Variants in GASK1B observed in about 807,000 individuals in gnomAD.
GASK1B encodes the protein golgi associated kinase 1B, also known as Golgi-associated kinase 1B.
GASK1B carries 34 observed loss-of-function variants against 42.8 expected under a neutral mutation model. The observed-to-expected ratio is 0.79, with a 90% CI of 0.60 to 1.06. The LOEUF is 1.06. Among genes scored for constraint, GASK1B ranks in the 50% least tolerant of loss-of-function variants. GASK1B has a pLI of 0.00. For synonymous variants in GASK1B, 262 were observed against 259.1 expected (o/e 1.01, Z -0.11); for missense variants, 686 against 661.0 (o/e 1.04, Z -0.42).
chr4:158,131,062 G>A, intron 3 of GASK1B, 50 bp from the exon 4 acceptor site: 1 of 1,496,086 alleles, frequency 6.7e-7, no homozygotes, highest in South Asian at 1.2e-5. Flanking sequence ...AACAAAACTT[G>A]GGAAAGTTAC....
At chr4:158,134,680 T>C (rs1055246636) in intron 3 of GASK1B, among the ~76,000 whole-genome samples, 21 of 152,262 alleles carry the variant, frequency 1.4e-4, no homozygotes, top group African/African-American at 5.1e-4. Context: ...AATTTTTTGG[T>C]GGTGGTGGTG....
intron 3 of GASK1B, among the ~76,000 whole-genome samples, chr4:158,132,477 A>G (rs1730720382): frequency 6.6e-6 from 1 of 152,182 alleles, no homozygotes; most frequent in Admixed American, 6.5e-5. Flanking sequence ...AATGTTACCC[A>G]TGGTCAGCAC....
chr4:158,154,627 G>A (rs954741916), intron 3 of GASK1B, among the ~76,000 whole-genome samples: 1 of 152,060 alleles, frequency 6.6e-6, no homozygotes, highest in Admixed American at 6.6e-5. Context: ...CATCAATCAA[G>A]TAGATAAAGA....
At chr4:158,146,460 G>T (rs1731334100) in intron 3 of GASK1B, among the ~76,000 whole-genome samples, 1 of 152,040 alleles carries the variant, frequency 6.6e-6, no homozygotes, top group South Asian at 2.1e-4. Context: ...TAATTCATAA[G>T]TAATACTTAT....
rs1401376001 is a variant in GASK1B, at chr4:158,126,800, T to G, written c.*607A>C. 1 of 152,200 alleles carries G rather than the reference T, an allele frequency of 6.6e-6. No individual in the cohort carries two copies. The highest frequency in any genetic ancestry group is 1.5e-5 in the Non-Finnish European group (1 of 68,020). 9.4% of individuals were successfully genotyped at this position (152,200 alleles called of 1,614,324 possible). On this transcript the variant is annotated 3_prime_UTR_variant, in exon 5 of 5. Transcript: ENST00000585682. ...GGAATGGAAAATATGATTCTTGTAC[T>G]TAAATGACTGATTTTTTATAGACAC...
chr4:158,141,127 C>T (rs1204720412), intron 3 of GASK1B, among the ~76,000 whole-genome samples: 3 of 152,056 alleles, frequency 2.0e-5, no homozygotes, highest in African/African-American at 7.2e-5. Context: ...AAAACAACGC[C>T]AGCAATCTCT....
chr4:158,159,345 A>G (rs1405662244), intron 2 of GASK1B, among the ~76,000 whole-genome samples: 1 of 152,132 alleles, frequency 6.6e-6, no homozygotes, highest in African/African-American at 2.4e-5. Flanking sequence ...CTTGCAGGTA[A>G]TAATAGCAGT....
Position 158,171,151 on chromosome 4 carries a change from G to T in GASK1B, c.225C>A (p.Asp75Glu). Residue 75 changes from aspartate to glutamate, a missense_variant, in exon 2 of 5, where the codon GAC becomes GAA. Coordinates refer to ENST00000585682, the MANE Select transcript of GASK1B (RefSeq NM_001128424.2). ...AAEKGPHRSRDTAEPSFPEIP... is the reference protein window; with the variant it reads ...AAEKGPHRSRETAEPSFPEIP... ...TCTCAGGGAAGGATGGCTCGGCGGT[G>T]TCGCGGCTGCGATGTGGCCCCTTCT... The T allele has an allele frequency of 6.2e-7, 1 of 1,608,372 alleles. No homozygotes were observed. The highest frequency in any genetic ancestry group is 1.1e-5 in the South Asian group (1 of 90,730).
chr4:158,159,438 T>C, intron 2 of GASK1B: 1 of 395,394 alleles, frequency 2.5e-6, no homozygotes, highest in Non-Finnish European at 4.9e-6. Flanking sequence ...TTTGAAAGAA[T>C]TAAATGAACC....
At chr4:158,149,923 C>CTTTTTTTTGTTTTTTTTTTTTT (rs1731484987) in intron 3 of GASK1B, among the ~76,000 whole-genome samples, 1 of 67,178 alleles carries the variant, frequency 1.5e-5, no homozygotes, top group Non-Finnish European at 2.5e-5. Context: ...CTGCATGCTG[C>CTTTTTTTTGTTTTTTTTTTTTT]TTTTTTTTTT....
Position 158,130,936 on chromosome 4 carries a change from C to T in GASK1B, c.1202G>A (p.Arg401Lys). 1.2e-6 allele frequency: 2 copies of T among 1,614,070 alleles called. No homozygotes were observed. The highest frequency in any genetic ancestry group is 1.1e-5 in the South Asian group (1 of 91,084). The change falls in exon 4 of 5, where the codon AGG (arginine) becomes AAG (lysine). Residue 401 changes from arginine (R) to lysine (K), a missense_variant. Physicochemically the swap from Arg to Lys is conservative, Grantham distance 26 (BLOSUM62 2). Transcript: ENST00000585682. ...AGAACCTTGGTCATCACATTTTGGCCTCAATCCATTCTGTACACAGGCATC... is the reference window on the plus strand; with the variant it reads ...AGAACCTTGGTCATCACATTTTGGCTTCAATCCATTCTGTACACAGGCATC... ...KEDACVQNGLRPKCDDQGSAA... is the reference protein window; with the variant it reads ...KEDACVQNGLKPKCDDQGSAA...
intron 3 of GASK1B, among the ~76,000 whole-genome samples, chr4:158,144,988 G>A (rs1287615706): frequency 6.6e-6 from 1 of 152,178 alleles, no homozygotes; most frequent in Non-Finnish European, 1.5e-5. Context: ...CTGTGAGTGT[G>A]TTTCCTCACT....
chr4:158,158,996 C>T (rs1049829480), intron 2 of GASK1B, among the ~76,000 whole-genome samples: 2 of 152,010 alleles, frequency 1.3e-5, no homozygotes, highest in African/African-American at 4.8e-5. Context: ...TATTTTAGAT[C>T]ACCAAATTTT....
At chr4:158,172,733 C>G (rs934431853) in intron 1 of GASK1B, 135 bp downstream of exon 1, 2 of 151,940 alleles carry the variant, frequency 1.3e-5, no homozygotes, top group African/African-American at 2.4e-5. Flanking sequence ...TTCAAAAGAT[C>G]GAGAATGTTT....
chr4:158,163,245 A>G (rs1732094719), intron 2 of GASK1B, among the ~76,000 whole-genome samples: 1 of 152,260 alleles, frequency 6.6e-6, no homozygotes. Flanking sequence ...AAAGAGCTAC[A>G]TCAGCTTAGA....
chr4:158,139,886 C>T (rs941402743), intron 3 of GASK1B, among the ~76,000 whole-genome samples: 1 of 152,184 alleles, frequency 6.6e-6, no homozygotes, highest in African/African-American at 2.4e-5. Flanking sequence ...CTATGGGATA[C>T]AGTCGATGTG....
intron 2 of GASK1B, among the ~76,000 whole-genome samples, chr4:158,165,671 T>G (rs970684944): frequency 6.6e-6 from 1 of 152,208 alleles, no homozygotes; most frequent in Non-Finnish European, 1.5e-5. Flanking sequence ...TTGCACATTT[T>G]TGACATTATC....
At chr4:158,143,116 T>C (rs1237214766) in intron 3 of GASK1B, among the ~76,000 whole-genome samples, 1 of 152,234 alleles carries the variant, frequency 6.6e-6, no homozygotes, top group Non-Finnish European at 1.5e-5. Context: ...TTATGTGTTT[T>C]ATCTTCTAGT....
chr4:158,127,328 T>C lies in GASK1B; in HGVS notation c.*79A>G. On this transcript the variant is annotated 3_prime_UTR_variant, in exon 5 of 5. Coordinates refer to ENST00000585682, the MANE Select transcript of GASK1B (RefSeq NM_001128424.2). Reference sequence around the variant, plus strand: ...ACACTGCCTCATTGCTAAACGGGCTTGAGGTTGATGTGCTTGATTTAAAAA... The same window carrying C: ...ACACTGCCTCATTGCTAAACGGGCTCGAGGTTGATGTGCTTGATTTAAAAA... The C allele has an allele frequency of 8.3e-7, 1 of 1,208,690 alleles. No homozygotes were observed. 74.9% of individuals were successfully genotyped at this position (1,208,690 alleles called of 1,614,324 possible).
Sources: gnomAD v4.1 joint callset for allele counts (sites outside exome capture counted in the v4.1 genomes callset) on GRCh38, gnomAD v4.1.1 for gene constraint, MANE v1.5 for transcripts, NCBI Gene and HGNC (gene_info 2026-07-23, HGNC 2026-07-21) for gene names.